Variants in FBF1 observed in about 807,000 individuals in gnomAD.
The protein encoded by FBF1 is Fas binding factor 1, also known as fas-binding factor 1.
Under a neutral mutation model 147.2 loss-of-function variants are expected in FBF1, and 119 were observed. The observed-to-expected ratio is 0.81, with a 90% CI of 0.70 to 0.94. The LOEUF (loss-of-function observed/expected upper bound fraction) is 0.94. Among genes scored for constraint, FBF1 ranks in the 40% least tolerant of loss-of-function variants. The pLI is 0.00. For missense variants in FBF1, 1,449 were observed against 1,500.8 expected (o/e 0.97, Z 0.57); for synonymous variants, 601 against 609.0 (o/e 0.99, Z 0.19).
At position 75,921,487 on chromosome 17, in the gene FBF1, C is replaced by T. The variant is rs377305613; in HGVS notation, c.1600G>A (p.Asp534Asn). ...GSPKRGTAPG[D>N]LSATEPATCF... Reference sequence around the variant, plus strand: ...AAAAACAAACCAGTGGCTGAGAGGTCTCCAGGGGCTGTTCCCCTCTTTGGG... The same window carrying T: ...AAAAACAAACCAGTGGCTGAGAGGTTTCCAGGGGCTGTTCCCCTCTTTGGG... The change falls in exon 16 of 30, where the codon GAC (aspartate) becomes AAC (asparagine). Residue 534 changes from aspartate to asparagine, a missense_variant. Transcript: ENST00000636174. 16 of 1,612,888 alleles carry T rather than the reference C, an allele frequency of 9.9e-6. No homozygotes were observed. In the African/African-American group the frequency reaches 2.0e-4, roughly 20 times the overall value.
At position 75,938,227 on chromosome 17, in the gene FBF1, T is replaced by A. The variant is rs899229438; in HGVS notation, c.-78A>T. On this transcript the variant is annotated 5_prime_UTR_variant, in exon 2 of 30. The change abolishes an upstream ATG in the 5' untranslated region. Coordinates refer to ENST00000636174, the MANE Select transcript of FBF1 (RefSeq NM_001319193.2). ...CTGGATTCTGCCCACATCAGGCTCA[T>A]ACTCCCTAATGAAGAAAATTAAAGT... 2.3e-5 allele frequency: 36 copies of A among 1,594,796 alleles called. No individual in the cohort carries two copies. The highest frequency in any genetic ancestry group is 3.0e-5 in the Non-Finnish European group (35 of 1,165,560).
chr17:75,918,063 T>C lies in FBF1; in HGVS notation c.2254A>G (p.Asn752Asp). The C allele has an allele frequency of 6.2e-7, 1 of 1,609,512 alleles. No individual in the cohort carries two copies. The highest frequency in any genetic ancestry group is 8.5e-7 in the Non-Finnish European group (1 of 1,177,314). ...TTCTCCATCTGGTGGATGATGCTAT[T>C]CAGGGACCTGGAAGAAGACTGGGTC... is the stretch of plus-strand genomic sequence containing the variant. ...TSATSHTRSL[N>D]SIIHQMEKFS... The change falls in exon 22 of 30, where the codon AAT (asparagine) becomes GAT (aspartate). Residue 752 changes from asparagine to aspartate, a missense_variant. Transcript: ENST00000636174. This position sits in a 1 kb window ranked among gnomAD's most constrained non-coding sequence, Gnocchi z 5.8.
In FBF1 at chr17:75,926,088, G is replaced by A; in HGVS notation, c.810C>T (p.Arg270=). 1 of 1,612,478 alleles carries A rather than the reference G, an allele frequency of 6.2e-7. No homozygotes were observed. The highest frequency in any genetic ancestry group is 8.5e-7 in the Non-Finnish European group (1 of 1,179,764). The change falls in exon 12 of 30, where the codon CGC becomes CGT. Residue 270 remains arginine, a synonymous_variant. Coordinates refer to ENST00000636174, the MANE Select transcript of FBF1 (RefSeq NM_001319193.2). The stretch of plus-strand genomic sequence containing the variant: ...ACTCCCTGTGCTCCCCGGTGCCCGG[G>A]CGGGCCAGGAGTTTGGTGGCCATGC... ...GRGMATKLLA[R]PGTGEHREFK... is the part of the protein sequence containing the mutation.
At position 75,922,134 on chromosome 17, in the gene FBF1, G is replaced by A; in HGVS notation, c.1425-88C>T. Reference sequence around the variant, plus strand: ...AGGGCCCAGGACGGGCTTCACACGTGAAGCTCGTGGCCCCCCTTCCTCCTG... The same window carrying A: ...AGGGCCCAGGACGGGCTTCACACGTAAAGCTCGTGGCCCCCCTTCCTCCTG... On this transcript the variant is annotated intron_variant, in intron 14 of 29. Coordinates refer to ENST00000636174, the MANE Select transcript of FBF1 (RefSeq NM_001319193.2). This position sits in a 1 kb window ranked among gnomAD's most constrained non-coding sequence, Gnocchi z 5.0. 1 of 1,119,520 alleles carries A rather than the reference G, an allele frequency of 8.9e-7. No homozygotes were observed. The highest frequency in any genetic ancestry group is 1.3e-6 in the Non-Finnish European group (1 of 772,768). 69.3% of individuals were successfully genotyped at this position (1,119,520 alleles called of 1,614,324 possible).
intron 15 of FBF1, 108 bp from the exon 16 acceptor site, chr17:75,921,668 G>C: frequency 4.3e-6 from 2 of 466,548 alleles, no homozygotes; most frequent in Non-Finnish European, 7.5e-6. Context: ...AGGGTGGGCA[G>C]CCTCTACGTG....
Position 75,913,922 on chromosome 17 carries a change from G to T in FBF1, c.3120C>A (p.His1040Gln). 6.5e-7 allele frequency: 1 copy of T among 1,546,374 alleles called. No homozygotes were observed. Reference protein sequence around the residue: ...QQERLRKQEQHMHQEHLSLAQ... With the variant: ...QQERLRKQEQQMHQEHLSLAQ... ...ACTCAGGGAGCCTTGCCTGGTGCAT[G>T]TGCTGCTCCTGCTTCCGCAGCCGCT... The change falls in exon 27 of 30, where the codon CAC (histidine) becomes CAA (glutamine). Residue 1040 changes from histidine (H) to glutamine (Q), a missense_variant. His to Gln is a conservative substitution (Grantham distance 24). Transcript: ENST00000636174.
At chr17:75,921,825 G>A (rs2065529421) in intron 15 of FBF1, 120 bp downstream of exon 15, 1 of 926,994 alleles carries the variant, frequency 1.1e-6, no homozygotes, top group Non-Finnish European at 1.6e-6. Flanking sequence ...GGCAGCCTCT[G>A]TGTGGGACAC....
chr17:75,927,532 C>G lies in FBF1; in HGVS notation c.398G>C (p.Gly133Ala). The change falls in exon 9 of 30, where the codon GGG becomes GCG. Residue 133 changes from glycine to alanine, a missense_variant and splice_region_variant. By Grantham distance (60) the Gly-to-Ala change is moderately conservative. Transcript: ENST00000636174. ...TGACTTCTTGGTGGGAATGGCACCC[C>G]CTGCAGGAAGCAGAAGACAAGGTCA... is the stretch of plus-strand genomic sequence containing the variant. ...GELPNHPKPA[G>A]GAIPTKKSLP... 1 of 1,598,792 alleles carries G rather than the reference C, an allele frequency of 6.3e-7. No individual in the cohort carries two copies. The highest frequency in any genetic ancestry group is 1.1e-5 in the South Asian group (1 of 88,200).
At chr17:75,936,561 A>G (rs1342189233) in intron 3 of FBF1, among the ~76,000 whole-genome samples, 1 of 150,358 alleles carries the variant, frequency 6.7e-6, no homozygotes, top group Non-Finnish European at 1.5e-5. Context: ...TGTAATCCCA[A>G]TTACTGGGGA....
Position 75,935,662 on chromosome 17 carries a change from C to T in FBF1, c.43G>A (p.Asp15Asn), listed in dbSNP as rs117554064. Residue 15 changes from aspartate to asparagine, a missense_variant, in exon 4 of 30, where the codon GAT becomes AAT. Coordinates refer to ENST00000636174, the MANE Select transcript of FBF1 (RefSeq NM_001319193.2). ...TCCCCTAGAAGGTCACCAAGAAAAT[C>T]ATCAATGGAGCCTGGAACAGAAAAG... ...TKKGCKGSIDDFLGDLLGDDM... is the reference protein window; with the variant it reads ...TKKGCKGSIDNFLGDLLGDDM... The T allele has an allele frequency of 1.3e-6, 2 of 1,536,990 alleles. No homozygotes were observed. Among genetic ancestry groups the T allele is most frequent in the Non-Finnish European group, 1.7e-6 (2 of 1,146,822 alleles).
Position 75,925,206 on chromosome 17 carries a change from A to G in FBF1, c.968+141T>C. 1.7e-6 allele frequency: 1 copy of G among 578,080 alleles called. No homozygotes were observed. The highest frequency in any genetic ancestry group is 3.0e-6 in the Non-Finnish European group (1 of 337,148). The allele number at this position is 578,080 out of a possible 1,614,324, so 35.8% of individuals were successfully genotyped here. On this transcript the variant is annotated intron_variant, in intron 13 of 29. Transcript: ENST00000636174. This position sits in a 1 kb window ranked among gnomAD's most constrained non-coding sequence, Gnocchi z 5.0. ...GACCAGGCCATCTCCCGCTTCCTTC[A>G]GCACCTGCAGAGCTGAGGGCCTTGT...
intron 1 of FBF1, among the ~76,000 whole-genome samples, chr17:75,939,519 A>C (rs2144205005): frequency 6.6e-6 from 1 of 152,192 alleles, no homozygotes; most frequent in African/African-American, 2.4e-5. Flanking sequence ...TTTAGCACAA[A>C]AGCAGGTATG....
chr17:75,917,725 G>T lies in FBF1; in HGVS notation c.2505+7C>A. 1 of 1,568,134 alleles carries T rather than the reference G, an allele frequency of 6.4e-7. No individual in the cohort carries two copies. The highest frequency in any genetic ancestry group is 2.4e-5 in the East Asian group (1 of 42,170). Reference sequence around the variant, plus strand: ...AGGGGCAGGAGGGCCAGGAGGACGGGCCTCACCTGCTCCAGCAGCCGGCTC... The same window carrying T: ...AGGGGCAGGAGGGCCAGGAGGACGGTCCTCACCTGCTCCAGCAGCCGGCTC... On this transcript the variant is annotated splice_region_variant and intron_variant, in intron 23 of 29. Transcript: ENST00000636174.
chr17:75,939,312 A>AC (rs1266871178), intron 1 of FBF1, among the ~76,000 whole-genome samples: 2 of 150,970 alleles, frequency 1.3e-5, no homozygotes, highest in Non-Finnish European at 1.5e-5. Flanking sequence ...AAAAAAAAAA[A>AC]AAAAACGTGC....
chr17:75,931,279 C>A lies in FBF1; in HGVS notation c.178G>T (p.Gly60Cys), dbSNP rs770139438. The change falls in exon 6 of 30, where the codon GGT becomes TGT. Residue 60 changes from glycine to cysteine, a missense_variant. Physicochemically the swap from Gly to Cys is radical, Grantham distance 159. Coordinates refer to ENST00000636174, the MANE Select transcript of FBF1 (RefSeq NM_001319193.2). ...GCCATGGTGCTGAAGACATCATCAC[C>A]CAGGAGGGACCTGCAAAGGGGAGGC... is the stretch of plus-strand genomic sequence containing the variant. The part of the protein sequence containing the change: ...SSKARTKSLL[G>C]DDVFSTMAGL... 6.3e-7 allele frequency: 1 copy of A among 1,583,044 alleles called. No individual in the cohort carries two copies. Among genetic ancestry groups the A allele is most frequent in the Admixed American group, 1.8e-5 (1 of 55,300 alleles).
chr17:75,939,311 A>AC (rs1567865901), intron 1 of FBF1, among the ~76,000 whole-genome samples: 39 of 144,428 alleles, frequency 2.7e-4, no homozygotes, highest in African/African-American at 5.8e-4. Flanking sequence ...AAAAAAAAAA[A>AC]AAAAAACGTG....
intron 28 of FBF1, among the ~76,000 whole-genome samples, chr17:75,912,621 A>G (rs2065462914): frequency 6.6e-6 from 1 of 152,260 alleles, no homozygotes; most frequent in Non-Finnish European, 1.5e-5. Context: ...CACAGTGGAA[A>G]ACTGTGCTGA....
intron 6 of FBF1, 52 bp downstream of exon 6, chr17:75,931,177 C>G: frequency 1.3e-6 from 2 of 1,545,316 alleles, no homozygotes; most frequent in Non-Finnish European, 8.8e-7. Context: ...CAACACCCAT[C>G]TCAGTGTTTC....
intron 4 of FBF1, among the ~76,000 whole-genome samples, chr17:75,934,603 C>T (rs986940939): frequency 1.1e-4 from 17 of 148,174 alleles, no homozygotes; most frequent in Admixed American, 1.0e-3. Flanking sequence ...GCTGGCCGGG[C>T]GCGGTGGCTC....
Sources: allele counts gnomAD v4.1 joint callset (sites outside exome capture counted in the v4.1 genomes callset), GRCh38; gene constraint gnomAD v4.1.1; non-coding constraint Gnocchi (gnomAD v3.1); transcripts MANE v1.5; gene names NCBI Gene and HGNC (gene_info 2026-07-23, HGNC 2026-07-21).